SCML2: variants seen among roughly 807,000 people sequenced by gnomAD.
The protein encoded by SCML2 is sex comb on midleg-like protein 2.
In SCML2, 6 loss-of-function variants were observed where a neutral mutation model predicts 48.4. That is an observed-to-expected ratio of 0.12 (90% CI 0.07 to 0.24). SCML2 has a LOEUF of 0.24. Among genes scored for constraint, SCML2 ranks in the 10% least tolerant of loss-of-function variants. The pLI, the probability that SCML2 is intolerant of heterozygous loss-of-function variation, is 1.00. For synonymous variants in SCML2, 181 were observed against 189.5 expected (o/e 0.95, Z 0.37); for missense variants, 377 against 528.2 (o/e 0.71, Z 2.81).
chrX:18,267,541 C>T (rs1267372556), intron 7 of SCML2, among the ~76,000 whole-genome samples: 1 of 110,570 alleles, frequency 9.0e-6, no homozygotes, highest in Admixed American at 9.6e-5. Flanking sequence ...AAATATCTCA[C>T]GCTTTGAAGG....
chrX:18,248,222 C>A (rs1926522719), intron 11 of SCML2, among the ~76,000 whole-genome samples: 1 of 111,496 alleles, frequency 9.0e-6, no homozygotes, highest in African/African-American at 3.3e-5. Context: ...TCCCATGAGC[C>A]AGAGGAGTTA....
chrX:18,320,495 G>T lies in SCML2; in HGVS notation c.398-75C>A, dbSNP rs1013199667. 5 of 617,488 alleles carry T rather than the reference G, an allele frequency of 8.1e-6. No homozygotes were observed. In the African/African-American group the frequency reaches 1.1e-4, roughly 14 times the overall value. 50.9% of individuals were successfully genotyped at this position (617,488 alleles called of 1,213,427 possible). ...TATTAACAAGTTGGTATAAAAAATA[G>T]GTTTCATTCACCATTCTTCTCGAGA... On this transcript the variant is annotated intron_variant, in intron 5 of 14. Coordinates refer to ENST00000251900, the MANE Select transcript of SCML2 (RefSeq NM_006089.3).
chrX:18,293,140 TA>T (rs1397811320), intron 7 of SCML2, among the ~76,000 whole-genome samples: 1 of 111,985 alleles, frequency 8.9e-6, no homozygotes, highest in Non-Finnish European at 1.9e-5. Context: ...ATTGTTATGT[TA>T]AAAATTAGAA....
intron 11 of SCML2, among the ~76,000 whole-genome samples, chrX:18,251,188 T>C (rs753698704): frequency 2.2e-4 from 24 of 107,805 alleles, no homozygotes; most frequent in Non-Finnish European, 4.4e-4. Context: ...GGCACACACC[T>C]GTAGTCCTGG....
At chrX:18,343,579 C>T (rs1360008640) in intron 1 of SCML2, among the ~76,000 whole-genome samples, 2 of 108,724 alleles carry the variant, frequency 1.8e-5, no homozygotes, top group African/African-American at 6.7e-5. Context: ...GCCAACATGG[C>T]AAAACCCCGT....
At chrX:18,334,386 G>A (rs1438501037) in intron 1 of SCML2, among the ~76,000 whole-genome samples, 2 of 111,699 alleles carry the variant, frequency 1.8e-5, no homozygotes, top group African/African-American at 3.2e-5. Context: ...TCATTGAATT[G>A]TATACCTTAA....
At chrX:18,351,554 A>G (rs917788205) in intron 1 of SCML2, among the ~76,000 whole-genome samples, 1 of 109,158 alleles carries the variant, frequency 9.2e-6, no homozygotes, top group Non-Finnish European at 1.9e-5. Context: ...TATGACTATG[A>G]GGAGACAGTG....
chrX:18,267,187 T>A (rs182919492), intron 7 of SCML2, among the ~76,000 whole-genome samples: 1 of 111,906 alleles, frequency 8.9e-6, no homozygotes. Context: ...CAACCAACCA[T>A]GTCCCCTTTC....
chrX:18,312,236 G>C (rs1928974050), intron 6 of SCML2, among the ~76,000 whole-genome samples: 1 of 111,818 alleles, frequency 8.9e-6, no homozygotes, highest in Non-Finnish European at 1.9e-5. Context: ...TAACAATGGA[G>C]ACGGCAAGAA....
intron 6 of SCML2, among the ~76,000 whole-genome samples, chrX:18,313,565 C>T (rs1463639372): frequency 9.0e-6 from 1 of 111,428 alleles, no homozygotes; most frequent in Non-Finnish European, 1.9e-5. Context: ...AGCACTGCTG[C>T]AGCAAAGTCC....
chrX:18,241,329 C>T lies in SCML2; in HGVS notation c.2025G>A (p.Lys675=), dbSNP rs774636835. The T allele has an allele frequency of 1.9e-5, 23 of 1,196,028 alleles. No individual in the cohort carries two copies. The Admixed American group carries it at 4.0e-4, about 21-fold the overall frequency. ...LFLLKSDVMM[K]YMGLKLGPAL... ...CTGGCCCCAGCTTCAGCCCCATATA[C>T]TTCATCATCACATCACTCTTGAGTA... Residue 675 remains lysine (K), a synonymous_variant, in exon 15 of 15, where the codon AAG becomes AAA. Coordinates refer to ENST00000251900, the MANE Select transcript of SCML2 (RefSeq NM_006089.3).
chrX:18,298,920 C>T (rs1040389834), intron 7 of SCML2, among the ~76,000 whole-genome samples: 8 of 110,483 alleles, frequency 7.2e-5, no homozygotes, highest in East Asian at 2.8e-4. Context: ...ACATAAGGCC[C>T]GAAACTATAA....
intron 7 of SCML2, among the ~76,000 whole-genome samples, chrX:18,285,780 T>A (rs954385527): frequency 1.8e-5 from 2 of 111,952 alleles, no homozygotes; most frequent in Non-Finnish European, 3.8e-5. Flanking sequence ...TAAGAAAAAC[T>A]ATTGCACCAA....
intron 5 of SCML2, among the ~76,000 whole-genome samples, chrX:18,321,419 T>C (rs1160953469): frequency 9.1e-6 from 1 of 110,200 alleles, no homozygotes; most frequent in South Asian, 3.9e-4. Flanking sequence ...GAACTTGGTA[T>C]GCGCCCCTGA....
rs185093185 is a variant in SCML2, at chrX:18,278,966, G to A, written c.731-13164C>T. ...GGCGGGAGCAGGGTGTGCCTCCCTC[G>A]GAGGGCCGGTCCAGAAGGGGTGTGG... is the stretch of plus-strand genomic sequence containing the variant. On this transcript the variant is annotated intron_variant, in intron 7 of 14. Transcript: ENST00000251900. Among the ~76,000 whole-genome samples, 14 of 112,734 alleles carry A rather than the reference G, an allele frequency of 1.2e-4. No homozygotes were observed. The East Asian group carries it at 2.0e-3, about 16-fold the overall frequency.
rs1004237425 is a variant in SCML2 at position 18,240,562 on chromosome X, C to A, written c.*689G>T. On this transcript the variant is annotated 3_prime_UTR_variant, in exon 15 of 15. Transcript: ENST00000251900. ...ATATCTCCTGCATAAAATGACAATT[C>A]TATCCTATAATTTAAAAAATTTATC... is the stretch of plus-strand genomic sequence containing the variant. The A allele has an allele frequency of 5.0e-4, 56 of 112,277 alleles. No individual in the cohort carries two copies. The highest frequency in any genetic ancestry group is 1.7e-3 in the African/African-American group (53 of 30,937). The allele number at this position is 112,277 out of a possible 1,213,427, so 9.3% of individuals were successfully genotyped here.
chrX:18,304,165 G>C (rs1245412147), intron 7 of SCML2, among the ~76,000 whole-genome samples: 1 of 111,415 alleles, frequency 9.0e-6, no homozygotes, highest in Non-Finnish European at 1.9e-5. Context: ...TCAGCCTCCT[G>C]AGTAGCTAGG....
rs762908673 is a variant in SCML2 at position 18,281,711 on chromosome X, C to CAA, written c.731-15911_731-15910dup. Among the ~76,000 whole-genome samples the CAA allele has an allele frequency of 5.9e-3, 168 of 28,618 alleles. 2 individuals carry two copies. The highest frequency in any genetic ancestry group is 0.02 in the African/African-American group (156 of 7,682). The allele number at this position is 28,618 out of a possible 115,157, so 24.9% of individuals were successfully genotyped here. A position where few individuals can be genotyped will look rare whatever the true frequency, so the allele number is the denominator to read the frequency against. ...TGGGGGATAGAGTGAGACTCTGTCT[C>CAA]AAAAAAAAAAAAAAAAAAATCCAAC... On this transcript the variant is annotated intron_variant, in intron 7 of 14. Transcript: ENST00000251900.
chrX:18,316,026 A>G (rs1346336548), intron 6 of SCML2, among the ~76,000 whole-genome samples: 2 of 111,604 alleles, frequency 1.8e-5, no homozygotes, highest in Non-Finnish European at 1.9e-5. Context: ...GTGGACCTCC[A>G]GAGGCCAAAA....
Sources: gnomAD v4.1 joint callset for allele counts (sites outside exome capture counted in the v4.1 genomes callset) on GRCh38, gnomAD v4.1.1 for gene constraint, MANE v1.5 for transcripts, NCBI Gene and HGNC (gene_info 2026-07-23, HGNC 2026-07-21) for gene names.